Variants in RPH3A observed in about 807,000 individuals in gnomAD.
RPH3A encodes the protein rabphilin 3A, also known as rabphilin-3A.
RPH3A carries 48 observed loss-of-function variants against 102.2 expected under a neutral mutation model. The ratio of observed to expected loss-of-function variants is 0.47; its 90% CI spans 0.37 to 0.60. The LOEUF is 0.60. Among genes scored for constraint, RPH3A ranks in the 20% least tolerant of loss-of-function variants. The pLI is 0.00. For synonymous variants in RPH3A, 310 were observed against 324.3 expected (o/e 0.96, Z 0.47); for missense variants, 781 against 910.1 (o/e 0.86, Z 1.83).
chr12:112,794,859 A>C (rs746454780), intron 2 of RPH3A, among the ~76,000 whole-genome samples: 5 of 152,172 alleles, frequency 3.3e-5, no homozygotes, highest in Non-Finnish European at 5.9e-5. Context: ...CCCCCAGTCC[A>C]GCCTGAGGTA....
chr12:112,763,089 G>A (rs934924744), intron 1 of RPH3A, among the ~76,000 whole-genome samples: 1 of 152,240 alleles, frequency 6.6e-6, no homozygotes, highest in African/African-American at 2.4e-5. Flanking sequence ...TGTCATCTCA[G>A]TGAGGACTGT....
In RPH3A at chr12:112,745,921, T is replaced by C. The variant is rs146122446; in HGVS notation, c.-139-46222T>C. The stretch of plus-strand genomic sequence containing the variant: ...GTCTCTCTCCTTCCTCTGTTTGTGA[T>C]TGTGGAACTGTAGATGCCTCTTTAA... On this transcript the variant is annotated intron_variant, in intron 1 of 21. Transcript: ENST00000543106. Among the ~76,000 whole-genome samples, 1,038 of 152,256 alleles carry C rather than the reference T, an allele frequency of 6.8e-3. 6 individuals are homozygous for C. Among genetic ancestry groups the C allele is most frequent in the Non-Finnish European group, 9.5e-3 (647 of 68,000 alleles).
chr12:112,885,688 A>T (rs1593128463), intron 16 of RPH3A, among the ~76,000 whole-genome samples: 1 of 152,200 alleles, frequency 6.6e-6, no homozygotes, highest in Non-Finnish European at 1.5e-5. Context: ...TAATCGCATC[A>T]TGAGTTTTTT....
intron 1 of RPH3A, among the ~76,000 whole-genome samples, chr12:112,736,272 A>T (rs987691813): frequency 6.6e-5 from 10 of 152,178 alleles, no homozygotes; most frequent in Non-Finnish European, 1.5e-5. Context: ...ACATTGCCCA[A>T]TGTCCCTGAG....
chr12:112,710,678 A>C (rs1162175816), intron 1 of RPH3A, among the ~76,000 whole-genome samples: 4 of 152,254 alleles, frequency 2.6e-5, no homozygotes, highest in Non-Finnish European at 4.4e-5. Context: ...AAGAGAAAAC[A>C]AAGTGAATCC....
intron 1 of RPH3A, among the ~76,000 whole-genome samples, chr12:112,713,051 C>CCTTCTTCTTCTTCTTCTTCTTCTT (rs397958107): frequency 2.3e-5 from 2 of 85,858 alleles, no homozygotes; most frequent in African/African-American, 6.0e-5. Flanking sequence ...TTCTTCTTCT[C>CCTTCTTCTTCTTCTTCTTCTTCTT]CTTCTTCTTC....
intron 1 of RPH3A, chr12:112,617,942 G>A (rs972135594): frequency 4.6e-5 from 7 of 152,216 alleles, no homozygotes; most frequent in Non-Finnish European, 1.0e-4. Context: ...GCAGAAGAGT[G>A]TAAAGGAAAC....
intron 1 of RPH3A, among the ~76,000 whole-genome samples, chr12:112,591,071 G>A (rs1200681671): frequency 6.6e-6 from 1 of 152,072 alleles, no homozygotes. Flanking sequence ...TCCCACCTCA[G>A]CCTCCTAAGT....
At chr12:112,676,814 A>T (rs1031476106) in intron 1 of RPH3A, among the ~76,000 whole-genome samples, 2 of 152,216 alleles carry the variant, frequency 1.3e-5, no homozygotes, top group Non-Finnish European at 2.9e-5. Flanking sequence ...ACATCCTGGC[A>T]TTCCTGTGAG....
intron 1 of RPH3A, among the ~76,000 whole-genome samples, chr12:112,704,261 G>C (rs1203995112): frequency 6.6e-6 from 1 of 152,006 alleles, no homozygotes; most frequent in African/African-American, 2.4e-5. Context: ...GATAATTTTT[G>C]TATTTTTTAG....
intron 1 of RPH3A, among the ~76,000 whole-genome samples, chr12:112,609,602 C>T (rs555818095): frequency 1.1e-4 from 17 of 152,306 alleles, no homozygotes; most frequent in African/African-American, 4.1e-4. Flanking sequence ...TGCTTCCCCT[C>T]CTCTGCTACC....
intron 1 of RPH3A, among the ~76,000 whole-genome samples, chr12:112,779,143 G>C (rs534130268): frequency 4.5e-4 from 69 of 152,288 alleles, no homozygotes; most frequent in Non-Finnish European, 8.4e-4. Context: ...AAGGCTGATG[G>C]GAGAAAATAG....
chr12:112,865,765 C>T (rs1008870706), intron 6 of RPH3A, among the ~76,000 whole-genome samples: 1 of 149,030 alleles, frequency 6.7e-6, no homozygotes, highest in African/African-American at 2.6e-5. Context: ...CCTTCTGTCT[C>T]TTAGAGCTGA....
chr12:112,748,021 A>T (rs1267959994), intron 1 of RPH3A, among the ~76,000 whole-genome samples: 3 of 152,168 alleles, frequency 2.0e-5, no homozygotes, highest in Non-Finnish European at 4.4e-5. Context: ...TCTGATGGAG[A>T]CAGGTGGCTC....
intron 1 of RPH3A, among the ~76,000 whole-genome samples, chr12:112,684,995 T>A (rs1204039437): frequency 6.6e-6 from 1 of 152,218 alleles, no homozygotes; most frequent in Non-Finnish European, 1.5e-5. Context: ...ACCTAGGCTG[T>A]AGTGAAGTGG....
chr12:112,798,526 C>T (rs984902877), intron 2 of RPH3A, among the ~76,000 whole-genome samples: 12 of 152,148 alleles, frequency 7.9e-5, no homozygotes, highest in African/African-American at 2.7e-4. Flanking sequence ...CCATTGATGG[C>T]GGGGCGGCAT....
At chr12:112,603,598 T>C (rs1323211332) in intron 1 of RPH3A, among the ~76,000 whole-genome samples, 1 of 152,244 alleles carries the variant, frequency 6.6e-6, no homozygotes, top group African/African-American at 2.4e-5. Context: ...TCTTAATTAC[T>C]ATATTTTGTA....
intron 1 of RPH3A, among the ~76,000 whole-genome samples, chr12:112,647,324 T>C (rs2039938802): frequency 6.6e-6 from 1 of 152,168 alleles, no homozygotes; most frequent in African/African-American, 2.4e-5. Flanking sequence ...TGAGCGAGTC[T>C]CTCTATGCCT....
chr12:112,583,970 A>G (rs775046711), intron 1 of RPH3A, among the ~76,000 whole-genome samples: 5 of 152,192 alleles, frequency 3.3e-5, no homozygotes, highest in Non-Finnish European at 7.4e-5. Flanking sequence ...TGAATGACAG[A>G]GCGAGACCCT....
Sources: gnomAD v4.1 joint callset for allele counts (sites outside exome capture counted in the v4.1 genomes callset) on GRCh38, gnomAD v4.1.1 for gene constraint, MANE v1.5 for transcripts, NCBI Gene and HGNC (gene_info 2026-07-23, HGNC 2026-07-21) for gene names.